SUGCT: variants seen among roughly 807,000 people sequenced by gnomAD.
SUGCT encodes the protein succinyl-CoA:glutarate-CoA transferase.
Under a neutral mutation model 55.0 loss-of-function variants are expected in SUGCT, and 41 were observed. That is an observed-to-expected ratio of 0.74 (90% CI 0.58 to 0.97). SUGCT has a LOEUF of 0.97. Ranked by LOEUF, SUGCT falls within the 50% of genes least tolerant of loss-of-function variation. The pLI is 0.00. For synonymous variants in SUGCT, 187 were observed against 200.4 expected (o/e 0.93, Z 0.56); for missense variants, 568 against 547.8 (o/e 1.04, Z -0.37).
At chr7:40,156,211 C>T (rs558962525) in intron 1 of SUGCT, among the ~76,000 whole-genome samples, 1 of 152,156 alleles carries the variant, frequency 6.6e-6, no homozygotes, top group South Asian at 2.1e-4. Flanking sequence ...CACCTATAAT[C>T]CCAGAACTTT....
intron 9 of SUGCT, among the ~76,000 whole-genome samples, chr7:40,445,649 A>G (rs1788788603): frequency 6.6e-6 from 1 of 152,192 alleles, no homozygotes; most frequent in South Asian, 2.1e-4. Context: ...TCATTTTATG[A>G]GGCCAGCATC....
chr7:40,168,218 C>A (rs1337505286), intron 1 of SUGCT, among the ~76,000 whole-genome samples: 1 of 152,176 alleles, frequency 6.6e-6, no homozygotes, highest in East Asian at 1.9e-4. Flanking sequence ...CTAGTCCTGT[C>A]TCTCAGTACC....
chr7:40,195,663 C>G (rs1170158231), intron 6 of SUGCT, among the ~76,000 whole-genome samples: 2 of 146,148 alleles, frequency 1.4e-5, no homozygotes, highest in Non-Finnish European at 3.0e-5. Context: ...TTACAAAATA[C>G]TGTTATTAAC....
At chr7:40,668,933 C>T (rs1047702122) in intron 12 of SUGCT, among the ~76,000 whole-genome samples, 2 of 152,158 alleles carry the variant, frequency 1.3e-5, no homozygotes, top group Non-Finnish European at 2.9e-5. Context: ...CACTCCAACC[C>T]CCCTGACAGG....
At chr7:40,625,918 C>G (rs559227258) in intron 12 of SUGCT, among the ~76,000 whole-genome samples, 11 of 152,306 alleles carry the variant, frequency 7.2e-5, no homozygotes, top group Admixed American at 6.5e-4. Context: ...TGCTCAGCAT[C>G]AAGCATGGTG....
At chr7:40,660,819 T>C (rs1801266996) in intron 12 of SUGCT, among the ~76,000 whole-genome samples, 1 of 152,192 alleles carries the variant, frequency 6.6e-6, no homozygotes, top group African/African-American at 2.4e-5. Context: ...CTCCCACTAA[T>C]CTACAGCTGT....
chr7:40,399,769 T>C (rs955616171), intron 9 of SUGCT, among the ~76,000 whole-genome samples: 2 of 152,226 alleles, frequency 1.3e-5, no homozygotes, highest in Non-Finnish European at 2.9e-5. Flanking sequence ...GTACCCCTAG[T>C]ACAATGCTGA....
intron 1 of SUGCT, among the ~76,000 whole-genome samples, chr7:40,161,501 T>TTTGCTGG (rs1784144711): frequency 6.6e-6 from 1 of 152,210 alleles, no homozygotes; most frequent in Non-Finnish European, 1.5e-5. Context: ...TATGAAGTTG[T>TTTGCTGG]TTGATCAACC....
chr7:40,501,725 T>C (rs1401684570), intron 12 of SUGCT, among the ~76,000 whole-genome samples: 1 of 152,056 alleles, frequency 6.6e-6, no homozygotes, highest in East Asian at 1.9e-4. Context: ...GGTACGATGG[T>C]AGAAAATGAA....
chr7:40,449,444 C>T lies in SUGCT; in HGVS notation c.888+86C>T, dbSNP rs551538517. The stretch of plus-strand genomic sequence containing the variant: ...TTGCCCAGGTCACAACCAACTTAGG[C>T]CCCCTGTGTTAGCAACTAAAAGTAT... On this transcript the variant is annotated intron_variant, in intron 10 of 13. Coordinates refer to ENST00000335693, the MANE Select transcript of SUGCT (RefSeq NM_001193313.2). 1.3e-5 allele frequency: 12 copies of T among 919,006 alleles called. No homozygotes were observed. The East Asian group carries it at 2.8e-4, about 21-fold the overall frequency. 56.9% of individuals were successfully genotyped at this position (919,006 alleles called of 1,614,324 possible). A position where few individuals can be genotyped will look rare whatever the true frequency, so the allele number is the denominator to read the frequency against.
At chr7:40,590,634 T>G (rs970042474) in intron 12 of SUGCT, among the ~76,000 whole-genome samples, 3 of 152,166 alleles carry the variant, frequency 2.0e-5, no homozygotes, top group Admixed American at 1.3e-4. Context: ...GAAGAAGATA[T>G]CATCTGGACT....
chr7:40,148,149 A>C (rs1360550330), intron 1 of SUGCT, among the ~76,000 whole-genome samples: 1 of 149,780 alleles, frequency 6.7e-6, no homozygotes, highest in Admixed American at 6.6e-5. Flanking sequence ...GTCAGGGTGG[A>C]GTAGGTAATC....
At chr7:40,653,664 G>A (rs754161806) in intron 12 of SUGCT, among the ~76,000 whole-genome samples, 10 of 152,166 alleles carry the variant, frequency 6.6e-5, no homozygotes, top group Admixed American at 2.6e-4. Context: ...TGCCTGGTCA[G>A]CTGCAGGAGG....
chr7:40,703,622 T>A (rs1043819851), intron 12 of SUGCT, among the ~76,000 whole-genome samples: 1 of 152,190 alleles, frequency 6.6e-6, no homozygotes, highest in African/African-American at 2.4e-5. Flanking sequence ...ATAGTGATTT[T>A]TAAGAGCTAG....
In SUGCT at chr7:40,195,056, C is replaced by A; in HGVS notation, c.480C>A (p.Ile160=). The change falls in exon 6 of 14, where the codon ATC becomes ATA. Residue 160 remains isoleucine (I), a synonymous_variant. Transcript: ENST00000335693. ...CTCCTCACATCATCTATTGTTCCAT[C>A]ACAGGTATTTCAACCCCACACCCTT... ...EIAPHIIYCS[I]TGYGQTGPIS... 6.2e-7 allele frequency: 1 copy of A among 1,612,294 alleles called. No individual in the cohort carries two copies. The highest frequency in any genetic ancestry group is 8.5e-7 in the Non-Finnish European group (1 of 1,179,150).
chr7:40,254,143 T>A (rs189842337), intron 7 of SUGCT, among the ~76,000 whole-genome samples: 1 of 152,262 alleles, frequency 6.6e-6, no homozygotes, highest in Admixed American at 6.5e-5. Context: ...GAAAGAAGAG[T>A]TGTCTGTGAA....
chr7:40,453,100 GTGA>G, intron 10 of SUGCT, among the ~76,000 whole-genome samples: 1 of 152,122 alleles, frequency 6.6e-6, no homozygotes, highest in Admixed American at 6.5e-5. Context: ...ACATGAAAAA[GTGA>G]GCTGTAATGT....
the SUGCT span, among the ~76,000 whole-genome samples, chr7:41,014,460 AG>A: frequency 5.4e-3 from 822 of 152,348 alleles, 2 homozygotes; most frequent in Non-Finnish European, 8.6e-3. Flanking sequence ...AAAAGTGAGA[AG>A]GGGCCTATTA....
chr7:40,842,537 T>G (rs1357801022), intron 13 of SUGCT, among the ~76,000 whole-genome samples: 2 of 152,216 alleles, frequency 1.3e-5, no homozygotes, highest in Admixed American at 1.3e-4. Flanking sequence ...AATTACCTTT[T>G]GCATTCTTGT....
Sources: gnomAD v4.1 joint callset for allele counts (sites outside exome capture counted in the v4.1 genomes callset) on GRCh38, gnomAD v4.1.1 for gene constraint, MANE v1.5 for transcripts, NCBI Gene and HGNC (gene_info 2026-07-23, HGNC 2026-07-21) for gene names.